Variants in GOLGA1 observed in about 807,000 individuals in gnomAD.
The protein encoded by GOLGA1 is golgin subfamily A member 1.
GOLGA1 carries 63 observed loss-of-function variants against 119.7 expected under a neutral mutation model. That is an observed-to-expected ratio of 0.53 (90% confidence interval 0.43 to 0.65). The LOEUF is 0.65. GOLGA1 is among the 30% of genes least tolerant of loss of function. GOLGA1 has a pLI of 0.00. For synonymous variants in GOLGA1, 318 were observed against 333.4 expected (o/e 0.95, Z 0.50); for missense variants, 798 against 912.8 (o/e 0.87, Z 1.62).
chr9:124,922,079 T>C (rs904368375), intron 8 of GOLGA1, among the ~76,000 whole-genome samples, 187 bp from the exon 9 acceptor site: 1 of 151,808 alleles, frequency 6.6e-6, no homozygotes, highest in Admixed American at 6.6e-5. Context: ...AATACAAACA[T>C]TAGCCGGGCG....
In GOLGA1 at chr9:124,894,380, TTGTGTG is replaced by T. The variant is rs35289660; in HGVS notation, c.1408-3908_1408-3903del. Among the ~76,000 whole-genome samples, 134 of 147,826 alleles carry T rather than the reference TTGTGTG, an allele frequency of 9.1e-4. No individual in the cohort carries two copies. The East Asian group carries it at 0.015, about 17-fold the overall frequency. On this transcript the variant is annotated intron_variant, in intron 15 of 22. Transcript: ENST00000373555. ...ATTGATGGTTTCCTAATTTAAAGTT[TTGTGTG>T]TGTGTGTGTGTGTGTGTGTGTGTGT...
rs549986880 is a variant in GOLGA1, at chr9:124,888,835, G to A, written c.1761+308C>T. ...CTGCCTCAGCCTCCCGAGTAGCTGGGACTACAGGCACTCGCCACCACGCCT... is the reference window on the plus strand; with the variant it reads ...CTGCCTCAGCCTCCCGAGTAGCTGGAACTACAGGCACTCGCCACCACGCCT... On this transcript the variant is annotated intron_variant, in intron 18 of 22. Coordinates refer to ENST00000373555, the MANE Select transcript of GOLGA1 (RefSeq NM_002077.4). This position sits in a 1 kb window ranked among gnomAD's most constrained non-coding sequence, Gnocchi z 4.4. 6.5e-4 allele frequency among the ~76,000 whole-genome samples: 99 copies of A among 152,298 alleles called. No individual in the cohort carries two copies. The highest frequency in any genetic ancestry group is 2.3e-3 in the African/African-American group (97 of 41,558).
intron 2 of GOLGA1, among the ~76,000 whole-genome samples, chr9:124,939,550 C>CTTTCTTTTTT (rs1830954280): frequency 2.1e-4 from 17 of 81,832 alleles, no homozygotes; most frequent in East Asian, 9.0e-4. Flanking sequence ...TTCTTTCTTT[C>CTTTCTTTTTT]TTTTTTTTTT....
At chr9:124,882,596 G>A (rs1433274283) in intron 19 of GOLGA1, 27 bp from the exon 20 acceptor site, 1 of 1,599,072 alleles carries the variant, frequency 6.3e-7, no homozygotes, top group South Asian at 1.1e-5. Flanking sequence ...CCCACAGAAA[G>A]CCAATCGTTA....
chr9:124,890,113 A>G (rs1292868016), intron 16 of GOLGA1, among the ~76,000 whole-genome samples: 1 of 152,182 alleles, frequency 6.6e-6, no homozygotes, highest in African/African-American at 2.4e-5. Flanking sequence ...ACAGAATTAG[A>G]GCCCACTAGG....
chr9:124,881,464 A>G lies in GOLGA1; in HGVS notation c.2137-207T>C, dbSNP rs1461910918. On this transcript the variant is annotated intron_variant, in intron 21 of 22. Coordinates refer to ENST00000373555, the MANE Select transcript of GOLGA1 (RefSeq NM_002077.4). The surrounding 1 kb of genome is among the most constrained non-coding windows in gnomAD (Gnocchi z 4.9). ...CTGGCAGGCTTAAGGGAACTGCCCCAGCAGCTACCCTACCCTTTGGCAGGA... is the reference window on the plus strand; with the variant it reads ...CTGGCAGGCTTAAGGGAACTGCCCCGGCAGCTACCCTACCCTTTGGCAGGA... 6.6e-6 allele frequency among the ~76,000 whole-genome samples: 1 copy of G among 152,172 alleles called. No individual in the cohort carries two copies. Among genetic ancestry groups the G allele is most frequent in the Non-Finnish European group, 1.5e-5 (1 of 68,014 alleles).
At chr9:124,910,717 C>T (rs1231303867) in intron 11 of GOLGA1, among the ~76,000 whole-genome samples, 2 of 152,142 alleles carry the variant, frequency 1.3e-5, no homozygotes, top group Non-Finnish European at 2.9e-5. Context: ...TAAGCACTAC[C>T]ACCTAAGATC....
chr9:124,882,066 G>T, intron 20 of GOLGA1, 112 bp from the exon 21 acceptor site: 1 of 749,412 alleles, frequency 1.3e-6, no homozygotes. Flanking sequence ...GGCAAAAAGG[G>T]CCCCACCTGG....
intron 13 of GOLGA1, chr9:124,900,057 T>C (rs34391145): frequency 0.19 from 35,106 of 186,490 alleles, 3,938 homozygotes; most frequent in Non-Finnish European, 0.23. Flanking sequence ...CTGGTTTGAT[T>C]TCCCTATCTT....
At chr9:124,891,222 G>A (rs636021) in intron 15 of GOLGA1, among the ~76,000 whole-genome samples, 1,728 of 152,182 alleles carry the variant, frequency 0.011, 89 homozygotes, top group Admixed American at 0.083. Flanking sequence ...ACTGTGGGAG[G>A]TGGGGTTGAC....
intron 15 of GOLGA1, 68 bp from the exon 16 acceptor site, chr9:124,890,546 A>C (rs1277287963): frequency 1.0e-5 from 12 of 1,172,564 alleles, no homozygotes; most frequent in Non-Finnish European, 1.4e-5. Context: ...GCCACGCAAG[A>C]AGCCCAGCAG....
intron 7 of GOLGA1, among the ~76,000 whole-genome samples, chr9:124,925,794 G>GA (rs1042839275): frequency 6.6e-6 from 1 of 151,692 alleles, no homozygotes; most frequent in African/African-American, 2.4e-5. Flanking sequence ...GTGTTTTATG[G>GA]AAAAAAAATA....
At chr9:124,944,407 C>T (rs1283902258), upstream of GOLGA1, 1 of 145,518 alleles carries the variant, frequency 6.9e-6, no homozygotes, top group Non-Finnish European at 1.5e-5. Context: ...ACAAGCAGTT[C>T]TCCTGCCTCA....
Position 124,880,525 on chromosome 9 carries a change from C to T in GOLGA1, c.*5G>A. 1 of 1,546,194 alleles carries T rather than the reference C, an allele frequency of 6.5e-7. No individual in the cohort carries two copies. The highest frequency in any genetic ancestry group is 8.9e-7 in the Non-Finnish European group (1 of 1,118,346). On this transcript the variant is annotated 3_prime_UTR_variant, in exon 23 of 23. Transcript: ENST00000373555. Reference sequence around the variant, plus strand: ...CCACGGAGCTCCATCCTTGGGTAGTCCCCTCTAGGACCATGGTATCCGAGG... The same window carrying T: ...CCACGGAGCTCCATCCTTGGGTAGTTCCCTCTAGGACCATGGTATCCGAGG...
Position 124,931,334 on chromosome 9 carries a change from A to G in GOLGA1, c.208T>C (p.Leu70=), listed in dbSNP as rs939220820. The G allele has an allele frequency of 1.3e-6, 2 of 1,565,762 alleles. No homozygotes were observed. Among genetic ancestry groups the G allele is most frequent in the Non-Finnish European group, 1.8e-6 (2 of 1,136,052 alleles). ...GACATACCAGAAAGTCTGGCCTCTA[A>G]CTTCCGTATCTGTTCATTCCTTCTC... The part of the protein sequence containing the change: ...LLRRNEQIRK[L]EARLSDYAEQ... Residue 70 remains leucine, a synonymous_variant, in exon 4 of 23, where the codon TTA becomes CTA. Coordinates refer to ENST00000373555, the MANE Select transcript of GOLGA1 (RefSeq NM_002077.4).
intron 20 of GOLGA1, 144 bp downstream of exon 20, chr9:124,882,366 T>A (rs1829607979): frequency 1.5e-6 from 1 of 651,416 alleles, no homozygotes; most frequent in African/African-American, 1.8e-5. Flanking sequence ...TCCCACCAGC[T>A]AACGTTGGAT....
chr9:124,883,813 C>T (rs990385350), intron 19 of GOLGA1, among the ~76,000 whole-genome samples: 1 of 151,484 alleles, frequency 6.6e-6, no homozygotes, highest in Non-Finnish European at 1.5e-5. Flanking sequence ...TCTTTGAACT[C>T]CTGGGCTCAA....
At chr9:124,890,819 C>T (rs547208564) in intron 15 of GOLGA1, among the ~76,000 whole-genome samples, 4 of 152,094 alleles carry the variant, frequency 2.6e-5, no homozygotes, top group Non-Finnish European at 4.4e-5. Flanking sequence ...TCGCAGGCCA[C>T]GTGAATGGAG....
At chr9:124,924,929 A>C (rs1279268144) in intron 7 of GOLGA1, among the ~76,000 whole-genome samples, 1 of 151,910 alleles carries the variant, frequency 6.6e-6, no homozygotes, top group African/African-American at 2.4e-5. Flanking sequence ...AATATAAAAA[A>C]ATTAGCCAGG....
Sources: allele counts gnomAD v4.1 joint callset (sites outside exome capture counted in the v4.1 genomes callset), GRCh38; gene constraint gnomAD v4.1.1; non-coding constraint Gnocchi (gnomAD v3.1); transcripts MANE v1.5; gene names NCBI Gene and HGNC (gene_info 2026-07-23, HGNC 2026-07-21).